METTL21A: variants seen among roughly 807,000 people sequenced by gnomAD.
METTL21A encodes the protein protein N-lysine methyltransferase METTL21A.
METTL21A carries 22 observed loss-of-function variants against 20.9 expected under a neutral mutation model. That is an observed-to-expected ratio of 1.05 (90% CI 0.75 to 1.50). The LOEUF is 1.50. Ranked by LOEUF, METTL21A falls within the 40% of genes most tolerant of loss-of-function variation. The probability of loss-of-function intolerance (pLI) is 0.00; values close to 1 mark genes in which losing one functional copy is unlikely to be tolerated. For synonymous variants in METTL21A, 93 were observed against 102.0 expected, an observed-to-expected ratio of 0.91 and a Z score of 0.53; for missense variants, 271 against 266.8, an observed-to-expected ratio of 1.02 and a Z score of -0.11.
intron 3 of METTL21A, chr2:207,601,388 A>C (rs1437476656): frequency 1.1e-5 from 2 of 186,156 alleles, no homozygotes; most frequent in Non-Finnish European, 2.3e-5. Flanking sequence ...CATTGATTAA[A>C]ATATTTTAGC....
At chr2:207,587,956 A>G (rs2084194840) in intron 3 of METTL21A, among the ~76,000 whole-genome samples, 1 of 152,234 alleles carries the variant, frequency 6.6e-6, no homozygotes. Context: ...TTGAATGTTC[A>G]CAACCCAACA....
chr2:207,614,472 T>G (rs981362309), intron 3 of METTL21A, among the ~76,000 whole-genome samples: 2 of 152,114 alleles, frequency 1.3e-5, no homozygotes, highest in Non-Finnish European at 2.9e-5. Context: ...GGTTACAGTT[T>G]AAAAAAGAAT....
chr2:207,601,482 G>A lies in METTL21A; in HGVS notation c.260-19322C>T, dbSNP rs181966687. On this transcript the variant is annotated intron_variant, in intron 3 of 3. Coordinates refer to the METTL21A transcript ENST00000425132. ...ACTAGCCCAGTTAATTAAAAGACGG[G>A]CTCAAACCTTGTTTTATTCTTTTTC... 30 of 193,106 alleles carry A rather than the reference G, an allele frequency of 1.6e-4. No individual in the cohort carries two copies. The Admixed American group carries it at 1.8e-3, about 12-fold the overall frequency. The allele number at this position is 193,106 out of a possible 1,614,324, so 12.0% of individuals were successfully genotyped here. A position where few individuals can be genotyped will look rare whatever the true frequency, so the allele number is the denominator to read the frequency against.
chr2:207,585,299 GA>G (rs1207993164), intron 3 of METTL21A, among the ~76,000 whole-genome samples: 2 of 152,150 alleles, frequency 1.3e-5, no homozygotes, highest in Admixed American at 1.3e-4. Context: ...AGAAATCATA[GA>G]TGCCATGAGA....
chr2:207,607,107 G>C (rs1455668148), downstream of METTL21A, among the ~76,000 whole-genome samples: 1 of 152,056 alleles, frequency 6.6e-6, no homozygotes, highest in Non-Finnish European at 1.5e-5. Flanking sequence ...CAGAATATAA[G>C]GTCGGGCCTG....
At chr2:207,593,452 C>G (rs1368437900) in intron 3 of METTL21A, among the ~76,000 whole-genome samples, 1 of 152,136 alleles carries the variant, frequency 6.6e-6, no homozygotes, top group African/African-American at 2.4e-5. Flanking sequence ...ATCACTTGAG[C>G]CTGGGAGGTC....
At chr2:207,607,611 G>C (rs1181722574), downstream of METTL21A, among the ~76,000 whole-genome samples, 1 of 121,372 alleles carries the variant, frequency 8.2e-6, no homozygotes. Context: ...ACTAAAGCAA[G>C]CTACCCTTTA....
At position 207,597,449 on chromosome 2, in the gene METTL21A, T is replaced by G. The variant is rs143587811; in HGVS notation, c.260-15289A>C. On this transcript the variant is annotated intron_variant, in intron 3 of 3. Coordinates refer to the METTL21A transcript ENST00000425132. Reference sequence around the variant, plus strand: ...TTAGGGACAGAATTACCCCAGCCTCTTGAGCTGAAGTAATGTGTGGGCCGC... The same window carrying G: ...TTAGGGACAGAATTACCCCAGCCTCGTGAGCTGAAGTAATGTGTGGGCCGC... 512 of 233,474 alleles carry G rather than the reference T, an allele frequency of 2.2e-3. 3 individuals carry two copies. Among genetic ancestry groups the G allele is most frequent in the Middle Eastern group, 4.0e-3 (3 of 744 alleles). 14.5% of individuals were successfully genotyped at this position (233,474 alleles called of 1,614,324 possible).
At chr2:207,596,012 G>A (rs1419564888) in intron 3 of METTL21A, among the ~76,000 whole-genome samples, 2 of 152,106 alleles carry the variant, frequency 1.3e-5, no homozygotes, top group Admixed American at 6.5e-5. Flanking sequence ...TTTTGCTTTT[G>A]TTACCTCTGC....
intron 3 of METTL21A, among the ~76,000 whole-genome samples, chr2:207,614,770 G>A (rs1055011780): frequency 4.6e-5 from 7 of 152,016 alleles, no homozygotes; most frequent in East Asian, 3.9e-4. Flanking sequence ...AGGTCAGGTC[G>A]GATCCACCTC....
intron 2 of METTL21A, among the ~76,000 whole-genome samples, chr2:207,622,697 C>T (rs1243953757): frequency 2.0e-5 from 3 of 152,164 alleles, no homozygotes; most frequent in East Asian, 1.9e-4. Context: ...CCTCACCATA[C>T]GTTTTGGGCA....
chr2:207,594,883 G>A (rs558876986), intron 3 of METTL21A, among the ~76,000 whole-genome samples: 4 of 151,832 alleles, frequency 2.6e-5, no homozygotes, highest in Non-Finnish European at 5.9e-5. Context: ...TCAACAATGG[G>A]TATTTTCTGC....
intron 3 of METTL21A, among the ~76,000 whole-genome samples, chr2:207,586,949 A>AG (rs1273758487): frequency 6.6e-6 from 1 of 152,234 alleles, no homozygotes. Flanking sequence ...ATCATTAGTT[A>AG]GAATGGCTAT....
At chr2:207,587,160 A>G (rs1329777655) in intron 3 of METTL21A, among the ~76,000 whole-genome samples, 2 of 152,114 alleles carry the variant, frequency 1.3e-5, no homozygotes, top group East Asian at 1.9e-4. Context: ...TTGGGAGGCC[A>G]AGGCGGGTGG....
intron 3 of METTL21A, among the ~76,000 whole-genome samples, chr2:207,616,277 T>C (rs575141383): frequency 6.6e-6 from 1 of 152,274 alleles, no homozygotes; most frequent in African/African-American, 2.4e-5. Context: ...CTGCAGGCAA[T>C]ATTGGAGTGA....
intron 3 of METTL21A, among the ~76,000 whole-genome samples, chr2:207,617,910 C>T (rs1049942238): frequency 4.6e-5 from 7 of 151,888 alleles, no homozygotes; most frequent in African/African-American, 1.7e-4. Flanking sequence ...TGGGTGGGGG[C>T]GGTGACTACT....
At chr2:207,613,294 A>G in exon 4 of METTL21A, 1 of 1,614,142 alleles carries the variant, frequency 6.2e-7, no homozygotes, top group Non-Finnish European at 8.5e-7. Flanking sequence ...ATCAGGTCAA[A>G]TTCTCCAGGA....
rs115190282 is a variant in METTL21A, at chr2:207,595,644, A to G, written c.260-13484T>C. Among the ~76,000 whole-genome samples the G allele has an allele frequency of 6.3e-3, 958 of 152,094 alleles. 7 individuals carry two copies. Among genetic ancestry groups the G allele is most frequent in the African/African-American group, 0.022 (904 of 41,474 alleles). On this transcript the variant is annotated intron_variant, in intron 3 of 3. Coordinates refer to the METTL21A transcript ENST00000425132. ...GGTGGCAGGATCACGGCTCACTGCA[A>G]CCTAAGACCTCCTGGGCTTAAGCAG...
At chr2:207,624,525 G>A (rs540253445) in intron 1 of METTL21A, 121 bp from the exon 2 acceptor site, 18 of 878,350 alleles carry the variant, frequency 2.0e-5, no homozygotes, top group South Asian at 8.9e-5. Context: ...AACAGGTGGA[G>A]GAAGCCTTTG....
Sources: allele counts gnomAD v4.1 joint callset (sites outside exome capture counted in the v4.1 genomes callset), GRCh38; gene constraint gnomAD v4.1.1; transcripts MANE v1.5; gene names NCBI Gene and HGNC (gene_info 2026-07-23, HGNC 2026-07-21).